KLF13: variants seen among roughly 807,000 people sequenced by gnomAD.
The protein encoded by KLF13 is KLF transcription factor 13, also known as Krueppel-like factor 13.
In KLF13, 8 loss-of-function variants were observed where a neutral mutation model predicts 16.7. The ratio of observed to expected loss-of-function variants is 0.48; its 90% confidence interval spans 0.28 to 0.87. The LOEUF (loss-of-function observed/expected upper bound fraction) is 0.87. Ranked by LOEUF, KLF13 falls within the 40% of genes least tolerant of loss-of-function variation. The probability of loss-of-function intolerance (pLI) is 0.10; values close to 1 mark genes in which losing one functional copy is unlikely to be tolerated. For synonymous variants in KLF13, 245 were observed against 208.4 expected (o/e 1.18, Z -1.51); for missense variants, 447 against 452.2 (o/e 0.99, Z 0.10).
At chr15:31,345,837 C>CGA (rs2039106449) in intron 1 of KLF13, among the ~76,000 whole-genome samples, 1 of 152,182 alleles carries the variant, frequency 6.6e-6, no homozygotes, top group African/African-American at 2.4e-5. Flanking sequence ...CATATTTGCA[C>CGA]CGTCAGTTTA....
intron 1 of KLF13, among the ~76,000 whole-genome samples, chr15:31,329,105 C>T (rs1241308445): frequency 6.6e-6 from 1 of 151,798 alleles, no homozygotes; most frequent in African/African-American, 2.4e-5. Flanking sequence ...CCCAGGGAGG[C>T]TTTTGTGGCC....
At chr15:31,430,145 G>A (rs980419773) in intron 1 of KLF13, among the ~76,000 whole-genome samples, 2 of 152,108 alleles carry the variant, frequency 1.3e-5, no homozygotes, top group African/African-American at 4.8e-5. Flanking sequence ...TGATAATTTT[G>A]ATTCATTAGA....
rs2038731140 is a variant in KLF13 at position 31,327,387 on chromosome 15, G to A, written c.175G>A (p.Ala59Thr). 3.1e-6 allele frequency: 4 copies of A among 1,287,236 alleles called. No individual in the cohort carries two copies. The highest frequency in any genetic ancestry group is 3.9e-6 in the Non-Finnish European group (4 of 1,016,638). 79.7% of individuals were successfully genotyped at this position (1,287,236 alleles called of 1,614,324 possible). A position where few individuals can be genotyped will look rare whatever the true frequency, so the allele number is the denominator to read the frequency against. Residue 59 changes from alanine (A) to threonine (T), a missense_variant, in exon 1 of 2, where the codon GCC (alanine) becomes ACC (threonine). By Grantham distance (58) the Ala-to-Thr change is moderately conservative. Around this residue, in one of 2 missense-constraint regions of KLF13, gnomAD observed 359 missense variants for 282.8 expected, o/e 1.27. Transcript: ENST00000307145. ...VEERRDGKDSASLFVVARILA... is the reference protein window; with the variant it reads ...VEERRDGKDSTSLFVVARILA... Reference sequence around the variant, plus strand: ...GGAGCGCCGCGACGGTAAGGACAGCGCCTCGCTCTTCGTGGTGGCGCGGAT... The same window carrying A: ...GGAGCGCCGCGACGGTAAGGACAGCACCTCGCTCTTCGTGGTGGCGCGGAT...
chr15:31,390,409 G>C (rs552068802), upstream of KLF13, among the ~76,000 whole-genome samples: 2 of 152,190 alleles, frequency 1.3e-5, no homozygotes, highest in East Asian at 3.9e-4. Flanking sequence ...TTCATAATTT[G>C]GCCTAGTATA....
downstream of KLF13, among the ~76,000 whole-genome samples, chr15:31,405,155 C>T (rs760433279): frequency 6.6e-6 from 1 of 152,058 alleles, no homozygotes; most frequent in Non-Finnish European, 1.5e-5. Flanking sequence ...AGGTTAGTGC[C>T]TTAGAAAACA....
chr15:31,361,953 A>G (rs2039397517), intron 1 of KLF13, among the ~76,000 whole-genome samples: 1 of 151,902 alleles, frequency 6.6e-6, no homozygotes. Context: ...GTGCAAGAGA[A>G]AACCCTTTCC....
chr15:31,359,314 A>C (rs1466460420), intron 1 of KLF13, among the ~76,000 whole-genome samples: 1 of 152,218 alleles, frequency 6.6e-6, no homozygotes, highest in African/African-American at 2.4e-5. Flanking sequence ...GACCTTGAGA[A>C]CGGAAATTTT....
chr15:31,421,281 T>A (rs1423117911), intron 1 of KLF13, among the ~76,000 whole-genome samples: 1 of 152,088 alleles, frequency 6.6e-6, no homozygotes, highest in Non-Finnish European at 1.5e-5. Flanking sequence ...GTTCTTCAAG[T>A]TGAAACAAAA....
At chr15:31,382,832 T>A (rs192299764), downstream of KLF13, among the ~76,000 whole-genome samples, 3 of 152,164 alleles carry the variant, frequency 2.0e-5, no homozygotes. Flanking sequence ...CACTCAGACC[T>A]CTTGGAACTC....
At chr15:31,380,301 ATAAAT>A (rs546820709), downstream of KLF13, among the ~76,000 whole-genome samples, 14 of 152,342 alleles carry the variant, frequency 9.2e-5, no homozygotes, top group South Asian at 4.1e-4. Flanking sequence ...TCAAAAACAA[ATAAAT>A]TAATAAAGAA....
chr15:31,372,506 C>T lies in KLF13; in HGVS notation c.*207C>T, dbSNP rs1021882976. The T allele has an allele frequency of 1.1e-5, 6 of 570,404 alleles. No homozygotes were observed. The highest frequency in any genetic ancestry group is 5.7e-5 in the South Asian group (2 of 34,918). 35.3% of individuals were successfully genotyped at this position (570,404 alleles called of 1,614,324 possible). A position where few individuals can be genotyped will look rare whatever the true frequency, so the allele number is the denominator to read the frequency against. Reference sequence around the variant, plus strand: ...CACCCACCAAATTGCACAATAGATACACCCACAAAGTTGAGATTCAGCGTT... The same window carrying T: ...CACCCACCAAATTGCACAATAGATATACCCACAAAGTTGAGATTCAGCGTT... On this transcript the variant is annotated 3_prime_UTR_variant, in exon 2 of 2. Coordinates refer to ENST00000307145, the MANE Select transcript of KLF13 (RefSeq NM_015995.4).
downstream of KLF13, among the ~76,000 whole-genome samples, chr15:31,407,369 C>T (rs1388842523): frequency 6.6e-6 from 1 of 151,988 alleles, no homozygotes; most frequent in East Asian, 1.9e-4. Context: ...TTGCCATGAA[C>T]TACGAGAAAG....
intron 1 of KLF13, among the ~76,000 whole-genome samples, chr15:31,332,125 G>A (rs2038844624): frequency 6.6e-6 from 1 of 152,162 alleles, no homozygotes; most frequent in South Asian, 2.1e-4. Flanking sequence ...GTGCAGAGGA[G>A]CTGGCATTTC....
At chr15:31,347,430 G>C (rs985006117) in intron 1 of KLF13, among the ~76,000 whole-genome samples, 1 of 152,210 alleles carries the variant, frequency 6.6e-6, no homozygotes, top group African/African-American at 2.4e-5. Context: ...TGGGTGGCAA[G>C]CCCGCTAGAA....
chr15:31,391,670 T>C (rs1056191367), upstream of KLF13, among the ~76,000 whole-genome samples: 2 of 145,150 alleles, frequency 1.4e-5, no homozygotes, highest in Non-Finnish European at 1.5e-5. Context: ...CCGAAACGGC[T>C]CTAGGTGCAC....
Position 31,327,407 on chromosome 15 carries a change from G to A in KLF13, c.195G>A (p.Ala65=). 2.3e-6 allele frequency: 3 copies of A among 1,282,112 alleles called. No individual in the cohort carries two copies. The highest frequency in any genetic ancestry group is 3.0e-6 in the Non-Finnish European group (3 of 1,013,768). The allele number at this position is 1,282,112 out of a possible 1,614,324, so 79.4% of individuals were successfully genotyped here. Residue 65 remains alanine, a synonymous_variant, in exon 1 of 2, where the codon GCG becomes GCA. Coordinates refer to ENST00000307145, the MANE Select transcript of KLF13 (RefSeq NM_015995.4). ...GKDSASLFVV[A]RILADLNQQA... ...ACAGCGCCTCGCTCTTCGTGGTGGC[G>A]CGGATCCTAGCGGACCTCAACCAGC...
In KLF13 at chr15:31,327,370, G is replaced by A; in HGVS notation, c.158G>A (p.Arg53His). 7.8e-7 allele frequency: 1 copy of A among 1,289,036 alleles called. No individual in the cohort carries two copies. Among genetic ancestry groups the A allele is most frequent in the East Asian group, 3.3e-5 (1 of 30,308 alleles). 79.8% of individuals were successfully genotyped at this position (1,289,036 alleles called of 1,614,324 possible). A position where few individuals can be genotyped will look rare whatever the true frequency, so the allele number is the denominator to read the frequency against. ...TPTLPRVEERRDGKDSASLFV... is the reference protein window; with the variant it reads ...TPTLPRVEERHDGKDSASLFV... ...ACGCTGCCCCGCGTCGAGGAGCGCC[G>A]CGACGGTAAGGACAGCGCCTCGCTC... Residue 53 changes from arginine (R) to histidine (H), a missense_variant, in exon 1 of 2, where the codon CGC becomes CAC. Coordinates refer to ENST00000307145, the MANE Select transcript of KLF13 (RefSeq NM_015995.4).
At chr15:31,356,381 C>G (rs1477420442) in intron 1 of KLF13, among the ~76,000 whole-genome samples, 6 of 152,334 alleles carry the variant, frequency 3.9e-5, no homozygotes, top group African/African-American at 1.4e-4. Context: ...TGGTGAAACC[C>G]TGTCTCTACT....
chr15:31,419,180 GT>G (rs1256713871), intron 1 of KLF13, among the ~76,000 whole-genome samples: 2 of 152,108 alleles, frequency 1.3e-5, no homozygotes, highest in Non-Finnish European at 2.9e-5. Flanking sequence ...ATCATTCCTT[GT>G]ATAAAGCCAG....
Sources: gnomAD v4.1 joint callset for allele counts (sites outside exome capture counted in the v4.1 genomes callset) on GRCh38, gnomAD v4.1.1 for gene constraint, gnomAD v4.1.1 regional missense constraint, MANE v1.5 for transcripts, NCBI Gene and HGNC (gene_info 2026-07-23, HGNC 2026-07-21) for gene names.